The following SPAG16 variants were observed in gnomAD, a reference collection of about 807,000 sequenced individuals.
SPAG16 encodes sperm-associated antigen 16 protein.
Under a neutral mutation model 80.4 loss-of-function variants are expected in SPAG16, and 86 were observed. That is an observed-to-expected ratio of 1.07 (90% CI 0.90 to 1.28). The LOEUF (loss-of-function observed/expected upper bound fraction) is 1.28, where lower values mean the gene tolerates loss of function less well. Among genes scored for constraint, SPAG16 ranks in the 50% most tolerant of loss-of-function variants. The pLI is 0.00. For missense variants in SPAG16, 870 were observed against 765.3 expected (o/e 1.14, Z -1.61); for synonymous variants, 294 against 265.9 (o/e 1.11, Z -1.03).
At chr2:214,180,859 A>G (rs2125669650) in intron 15 of SPAG16, among the ~76,000 whole-genome samples, 1 of 151,834 alleles carries the variant, frequency 6.6e-6, no homozygotes, top group Non-Finnish European at 1.5e-5. Flanking sequence ...GCTAGATGCA[A>G]CGTGACCTTT....
intron 13 of SPAG16, among the ~76,000 whole-genome samples, chr2:214,043,133 A>G (rs1456866813): frequency 6.6e-6 from 1 of 151,756 alleles, no homozygotes; most frequent in East Asian, 1.9e-4. Flanking sequence ...GTTCTGCCCA[A>G]GGATACTAGA....
chr2:213,573,690 T>C (rs976436946), intron 10 of SPAG16, among the ~76,000 whole-genome samples: 31 of 152,220 alleles, frequency 2.0e-4, no homozygotes, highest in African/African-American at 6.8e-4. Flanking sequence ...TGTAAGTCCA[T>C]GATTTCTTCT....
intron 10 of SPAG16, among the ~76,000 whole-genome samples, chr2:213,560,145 A>G (rs2059558640): frequency 6.6e-6 from 1 of 152,004 alleles, no homozygotes; most frequent in South Asian, 2.1e-4. Flanking sequence ...CTTATTTCCA[A>G]TTTTTCTTTT....
intron 9 of SPAG16, among the ~76,000 whole-genome samples, chr2:213,465,799 A>G (rs1171103981): frequency 1.3e-5 from 2 of 152,160 alleles, no homozygotes; most frequent in African/African-American, 4.8e-5. Context: ...CAAGTAGCCC[A>G]TGGGCTGTTG....
intron 10 of SPAG16, among the ~76,000 whole-genome samples, chr2:213,779,390 T>TA (rs2125577077): frequency 6.6e-6 from 1 of 152,304 alleles, no homozygotes; most frequent in African/African-American, 2.4e-5. Context: ...TTAAAAATTT[T>TA]AAAAAAATTG....
chr2:213,703,608 C>A (rs1197056297), intron 10 of SPAG16, among the ~76,000 whole-genome samples: 1 of 152,150 alleles, frequency 6.6e-6, no homozygotes, highest in African/African-American at 2.4e-5. Flanking sequence ...CACAGAGATG[C>A]ACCAATCAGC....
intron 10 of SPAG16, among the ~76,000 whole-genome samples, chr2:213,835,522 A>G (rs1455285948): frequency 6.6e-6 from 1 of 152,166 alleles, no homozygotes; most frequent in Non-Finnish European, 1.5e-5. Flanking sequence ...TCTAGAATCC[A>G]TGCTAACACA....
intron 10 of SPAG16, among the ~76,000 whole-genome samples, chr2:213,805,201 G>T (rs944123737): frequency 1.3e-4 from 20 of 152,176 alleles, no homozygotes; most frequent in African/African-American, 4.3e-4. Context: ...TATGAAAGAA[G>T]AAGAGCACAC....
intron 12 of SPAG16, among the ~76,000 whole-genome samples, chr2:213,932,210 TG>T (rs1208531105): frequency 2.1e-5 from 3 of 142,900 alleles, no homozygotes; most frequent in Admixed American, 1.4e-4. Context: ...TTGTTGTTGT[TG>T]TTGTTGTTGT....
In SPAG16 at chr2:213,433,266, G is replaced by A. The variant is rs557416703; in HGVS notation, c.943-56697G>A. 4.0e-5 allele frequency among the ~76,000 whole-genome samples: 5 copies of A among 126,328 alleles called. No individual in the cohort carries two copies. In the East Asian group the frequency reaches 9.7e-4, roughly 24 times the overall value. 82.9% of individuals were successfully genotyped at this position (126,328 alleles called of 152,430 possible). A position where few individuals can be genotyped will look rare whatever the true frequency, so the allele number is the denominator to read the frequency against. ...GAAGTCCTAGCCAGAACAATCAGAC[G>A]AGAAAGAATTAAAAGGCATCCATGT... On this transcript the variant is annotated intron_variant, in intron 9 of 15. Transcript: ENST00000331683.
chr2:214,376,940 A>C (rs2126099382), intron 15 of SPAG16, among the ~76,000 whole-genome samples: 1 of 152,346 alleles, frequency 6.6e-6, no homozygotes, highest in South Asian at 2.1e-4. Flanking sequence ...AAATTTAGCA[A>C]AACATACACA....
Position 213,284,585 on chromosome 2 carries a change from C to G in SPAG16, c.102C>G (p.Asp34Glu). The change falls in exon 1 of 16, where the codon GAC (aspartate) becomes GAG (glutamate). Residue 34 changes from aspartate to glutamate, a missense_variant. Transcript: ENST00000331683. ...TAAGDARDTA[D>E]AVAAEGAYYL... ...CCGGGGACGCGAGGGACACGGCGGA[C>G]GCGGTGGCGGCTGAGGGCGCCTACT... is the stretch of plus-strand genomic sequence containing the variant. The G allele has an allele frequency of 6.2e-7, 1 of 1,609,742 alleles. No individual in the cohort carries two copies. The highest frequency in any genetic ancestry group is 1.3e-5 in the African/African-American group (1 of 75,022).
At chr2:213,893,625 CTTT>C (rs1174873338) in intron 11 of SPAG16, among the ~76,000 whole-genome samples, 1 of 151,680 alleles carries the variant, frequency 6.6e-6, no homozygotes, top group East Asian at 1.9e-4. Flanking sequence ...TGTTTTTTTT[CTTT>C]GTTTCCATTT....
rs116483572 is a variant in SPAG16 at position 214,325,460 on chromosome 2, G to A, written c.1721-84680G>A. ...TATGTGTGTTGGGGGTTAGTGGGTTGGTTATTATAATGAGAAGCCTTAAAA... is the reference window on the plus strand; with the variant it reads ...TATGTGTGTTGGGGGTTAGTGGGTTAGTTATTATAATGAGAAGCCTTAAAA... On this transcript the variant is annotated intron_variant, in intron 15 of 15. Transcript: ENST00000331683. Among the ~76,000 whole-genome samples, 670 of 152,182 alleles carry A rather than the reference G, an allele frequency of 4.4e-3. 4 individuals are homozygous for A. Among genetic ancestry groups the A allele is most frequent in the African/African-American group, 0.015 (639 of 41,510 alleles).
chr2:214,353,978 A>G (rs1559236611), intron 15 of SPAG16, among the ~76,000 whole-genome samples: 1 of 152,120 alleles, frequency 6.6e-6, no homozygotes, highest in Non-Finnish European at 1.5e-5. Context: ...ATGCTCCTCA[A>G]TAAAGATATA....
At chr2:214,024,434 C>A (rs189018771) in intron 13 of SPAG16, among the ~76,000 whole-genome samples, 3 of 151,304 alleles carry the variant, frequency 2.0e-5, no homozygotes, top group Non-Finnish European at 4.4e-5. Flanking sequence ...CTTTTGTATT[C>A]CTTAATAATA....
chr2:213,989,401 T>C (rs778971953), intron 12 of SPAG16, among the ~76,000 whole-genome samples: 1 of 152,190 alleles, frequency 6.6e-6, no homozygotes, highest in Non-Finnish European at 1.5e-5. Context: ...GCATTATATC[T>C]ACATTTATGT....
chr2:214,335,883 C>G (rs1028668546), intron 15 of SPAG16, among the ~76,000 whole-genome samples: 24 of 151,290 alleles, frequency 1.6e-4, no homozygotes, highest in African/African-American at 5.8e-4. Context: ...CTCAGCCTCC[C>G]GAGTAGCTGG....
chr2:214,224,977 G>T (rs1390102729), intron 15 of SPAG16, among the ~76,000 whole-genome samples: 1 of 152,134 alleles, frequency 6.6e-6, no homozygotes. Context: ...GAAACAAGAA[G>T]AGATTGGATT....
Sources: allele counts gnomAD v4.1 joint callset (sites outside exome capture counted in the v4.1 genomes callset), GRCh38; gene constraint gnomAD v4.1.1; transcripts MANE v1.5; gene names NCBI Gene and HGNC (gene_info 2026-07-23, HGNC 2026-07-21).